Variants in KCNAB2 observed in about 807,000 individuals in gnomAD.
KCNAB2 encodes the protein voltage-gated potassium channel subunit beta-2.
Under a neutral mutation model 63.6 loss-of-function variants are expected in KCNAB2, and 29 were observed. The ratio of observed to expected loss-of-function variants is 0.46; its 90% CI spans 0.34 to 0.62. The LOEUF (loss-of-function observed/expected upper bound fraction) is 0.62, where lower values mean the gene tolerates loss of function less well. KCNAB2 is among the 20% of genes least tolerant of loss of function. The probability of loss-of-function intolerance (pLI) is 0.01; values close to 1 mark genes in which losing one functional copy is unlikely to be tolerated. For synonymous variants in KCNAB2, 222 were observed against 224.2 expected (o/e 0.99, Z 0.09); for missense variants, 359 against 563.9 (o/e 0.64, Z 3.68).
At chr1:6,060,794 T>C (rs1366891737) in intron 2 of KCNAB2, among the ~76,000 whole-genome samples, 1 of 150,348 alleles carries the variant, frequency 6.7e-6, no homozygotes. Context: ...TCTCAGCTAC[T>C]CAGGTGGCTG....
chr1:6,098,045 C>T (rs530840519), intron 15 of KCNAB2: 3 of 483,320 alleles, frequency 6.2e-6, no homozygotes, highest in South Asian at 8.3e-5. Context: ...GAAGGTGGGG[C>T]CCCCGGGACT....
At chr1:6,014,044 C>T (rs1256766711) in intron 1 of KCNAB2, among the ~76,000 whole-genome samples, 1 of 152,224 alleles carries the variant, frequency 6.6e-6, no homozygotes, top group East Asian at 1.9e-4. Flanking sequence ...GTGCCTAAAA[C>T]ATAGTACTAA....
At chr1:6,068,445 C>A (rs3789549) in intron 2 of KCNAB2, among the ~76,000 whole-genome samples, 31,993 of 152,174 alleles carry the variant, frequency 0.21, 3,538 homozygotes, top group East Asian at 0.34. Context: ...AGTTCAAATC[C>A]CAGCCCTAGC....
chr1:6,059,437 A>C (rs1234106768), intron 2 of KCNAB2, among the ~76,000 whole-genome samples: 1 of 151,824 alleles, frequency 6.6e-6, no homozygotes, highest in African/African-American at 2.4e-5. Flanking sequence ...CGATCCACCC[A>C]CCTTGGCCTC....
At chr1:6,007,149 G>A (rs930194570) in intron 1 of KCNAB2, among the ~76,000 whole-genome samples, 13 of 152,090 alleles carry the variant, frequency 8.5e-5, no homozygotes, top group East Asian at 7.7e-4. Flanking sequence ...AGCTGGGAGC[G>A]CCACCACTCC....
At chr1:6,018,058 A>G (rs1190235118) in intron 1 of KCNAB2, among the ~76,000 whole-genome samples, 1 of 152,180 alleles carries the variant, frequency 6.6e-6, no homozygotes, top group African/African-American at 2.4e-5. Context: ...TACTACAGGC[A>G]CACACCTGTA....
rs1663532161 is a variant in KCNAB2 at position 6,074,879 on chromosome 1, A to T, written c.300+1109A>T. Among the ~76,000 whole-genome samples the T allele has an allele frequency of 6.6e-6, 1 of 151,614 alleles. No individual in the cohort carries two copies. The highest frequency in any genetic ancestry group is 2.4e-5 in the African/African-American group (1 of 41,218). On this transcript the variant is annotated intron_variant, in intron 4 of 15. Coordinates refer to ENST00000378083, the MANE Select transcript of KCNAB2 (RefSeq NM_001199862.2). This position sits in a 1 kb window ranked among gnomAD's most constrained non-coding sequence, Gnocchi z 4.9. ...TGAGGCAGGAGAATTGCTTGAACCCAGAAGGGGGAGGTTGCAGTGAGCCGA... is the reference window on the plus strand; with the variant it reads ...TGAGGCAGGAGAATTGCTTGAACCCTGAAGGGGGAGGTTGCAGTGAGCCGA...
At chr1:6,079,690 A>G (rs867192327) in intron 4 of KCNAB2, among the ~76,000 whole-genome samples, 3 of 152,096 alleles carry the variant, frequency 2.0e-5, no homozygotes, top group Non-Finnish European at 4.4e-5. Flanking sequence ...AATACCAGAG[A>G]ATGATGGGTG....
intron 2 of KCNAB2, among the ~76,000 whole-genome samples, chr1:6,067,956 A>G (rs910483098): frequency 4.6e-5 from 7 of 152,210 alleles, no homozygotes; most frequent in African/African-American, 1.4e-4. Flanking sequence ...ACTTGAACTC[A>G]GGAGGCAGAG....
chr1:6,090,141 T>C (rs1463927106), intron 8 of KCNAB2, among the ~76,000 whole-genome samples: 2 of 152,194 alleles, frequency 1.3e-5, no homozygotes, highest in Non-Finnish European at 2.9e-5. Flanking sequence ...GGCTTCCCCT[T>C]CATTTAGTCA....
chr1:6,036,855 G>A (rs1388401718), intron 1 of KCNAB2, among the ~76,000 whole-genome samples: 1 of 152,168 alleles, frequency 6.6e-6, no homozygotes, highest in Admixed American at 6.5e-5. Flanking sequence ...GAGAGAGGAT[G>A]CCGTAGAGCA....
chr1:6,000,100 G>A (rs967740124), intron 1 of KCNAB2, among the ~76,000 whole-genome samples: 2 of 152,118 alleles, frequency 1.3e-5, no homozygotes, highest in Admixed American at 1.3e-4. Flanking sequence ...CCCCATCTGG[G>A]CCCTCTGCAC....
chr1:6,060,878 G>A (rs1199887845), intron 2 of KCNAB2, among the ~76,000 whole-genome samples: 3 of 143,418 alleles, frequency 2.1e-5, no homozygotes, highest in Admixed American at 7.1e-5. Flanking sequence ...ACTCCAGCCT[G>A]GCAACAGAGC....
intron 1 of KCNAB2, among the ~76,000 whole-genome samples, chr1:6,046,719 C>G (rs888378659): frequency 1.3e-5 from 2 of 152,212 alleles, no homozygotes; most frequent in Admixed American, 1.3e-4. Flanking sequence ...GAGCCGCACC[C>G]CGGAATGGTA....
At chr1:6,050,263 C>T (rs1382820696) in intron 1 of KCNAB2, among the ~76,000 whole-genome samples, 2 of 152,214 alleles carry the variant, frequency 1.3e-5, no homozygotes, top group East Asian at 1.9e-4. Context: ...GCAGCTGACC[C>T]AGCTGAAATG....
At chr1:6,075,239 G>C (rs1273455957) in intron 4 of KCNAB2, among the ~76,000 whole-genome samples, 2 of 152,218 alleles carry the variant, frequency 1.3e-5, no homozygotes, top group Non-Finnish European at 2.9e-5. Context: ...ATATTAGCTG[G>C]GTGGCCTGTA....
intron 1 of KCNAB2, among the ~76,000 whole-genome samples, chr1:6,014,883 C>T (rs1448484997): frequency 6.6e-6 from 1 of 152,178 alleles, no homozygotes; most frequent in East Asian, 1.9e-4. Flanking sequence ...TCAGAGTGTC[C>T]CCACAGAAGG....
At chr1:6,095,005 G>A (rs1334213172) in intron 11 of KCNAB2, among the ~76,000 whole-genome samples, 1 of 152,240 alleles carries the variant, frequency 6.6e-6, no homozygotes, top group African/African-American at 2.4e-5. Context: ...TGGACACTGT[G>A]GCACAGAGAG....
At chr1:6,042,247 G>A (rs1362272329), upstream of KCNAB2, among the ~76,000 whole-genome samples, 3 of 152,290 alleles carry the variant, frequency 2.0e-5, no homozygotes, top group African/African-American at 4.8e-5. Context: ...TACAGGACGT[G>A]GCGAGCCCAT....
Sources: gnomAD v4.1 joint callset for allele counts (sites outside exome capture counted in the v4.1 genomes callset) on GRCh38, gnomAD v4.1.1 for gene constraint, Gnocchi (gnomAD v3.1) non-coding constraint, MANE v1.5 for transcripts, NCBI Gene and HGNC (gene_info 2026-07-23, HGNC 2026-07-21) for gene names.